The following ITGB8 variants were observed in gnomAD, a reference collection of about 807,000 sequenced individuals.
The protein encoded by ITGB8 is integrin subunit beta 8.
Under a neutral mutation model 89.5 loss-of-function variants are expected in ITGB8, and 30 were observed. The ratio of observed to expected loss-of-function variants is 0.34; its 90% confidence interval spans 0.25 to 0.45. The LOEUF (loss-of-function observed/expected upper bound fraction) is 0.45, where lower values mean the gene tolerates loss of function less well. ITGB8 is among the 20% of genes least tolerant of loss of function. ITGB8 has a pLI of 1.00. For synonymous variants in ITGB8, 335 were observed against 320.4 expected (o/e 1.05, Z -0.49); for missense variants, 836 against 933.3 (o/e 0.90, Z 1.36).
chr7:20,332,420 C>T (rs1469575931), intron 1 of ITGB8, among the ~76,000 whole-genome samples: 1 of 152,090 alleles, frequency 6.6e-6, no homozygotes, highest in Non-Finnish European at 1.5e-5. Flanking sequence ...TTTCTGCTAT[C>T]ATTAGTGCTC....
rs1298808058 is a variant in ITGB8, at chr7:20,410,082, G to T, written c.*85G>T. Reference sequence around the variant, plus strand: ...TATAATTTTAAAAGTCACAGGAGGAGACAAATTGCTCACGGTCATGCCAGT... The same window carrying T: ...TATAATTTTAAAAGTCACAGGAGGATACAAATTGCTCACGGTCATGCCAGT... On this transcript the variant is annotated 3_prime_UTR_variant, in exon 14 of 14. Coordinates refer to ENST00000222573, the MANE Select transcript of ITGB8 (RefSeq NM_002214.3). The T allele has an allele frequency of 2.9e-6, 4 of 1,388,870 alleles. No individual in the cohort carries two copies. Among genetic ancestry groups the T allele is most frequent in the Non-Finnish European group, 4.0e-6 (4 of 1,007,510 alleles). The allele number at this position is 1,388,870 out of a possible 1,614,324, so 86.0% of individuals were successfully genotyped here. A position where few individuals can be genotyped will look rare whatever the true frequency, so the allele number is the denominator to read the frequency against.
chr7:20,359,150 G>A (rs372370853), intron 1 of ITGB8, among the ~76,000 whole-genome samples: 5 of 152,128 alleles, frequency 3.3e-5, no homozygotes, highest in South Asian at 4.2e-4. Flanking sequence ...CTTTGCTATC[G>A]TGGATAGCAC....
chr7:20,356,239 A>T (rs1238264084), intron 1 of ITGB8, among the ~76,000 whole-genome samples: 2 of 152,234 alleles, frequency 1.3e-5, no homozygotes, highest in Non-Finnish European at 2.9e-5. Flanking sequence ...AGGAAACCTC[A>T]AATCAAAACT....
chr7:20,375,699 T>C (rs562150623), intron 3 of ITGB8, among the ~76,000 whole-genome samples: 48 of 152,272 alleles, frequency 3.2e-4, no homozygotes, highest in African/African-American at 1.1e-3. Context: ...TAATGTGAAA[T>C]TAAAAAGGGA....
At chr7:20,335,267 A>G (rs953246490) in intron 1 of ITGB8, among the ~76,000 whole-genome samples, 5 of 152,236 alleles carry the variant, frequency 3.3e-5, no homozygotes, top group African/African-American at 1.2e-4. Flanking sequence ...AAGGGAAGCA[A>G]TTGCAAAAGA....
Position 20,331,370 on chromosome 7 carries a change from G to A in ITGB8, c.-437G>A. On this transcript the variant is annotated 5_prime_UTR_variant, in exon 1 of 14. Transcript: ENST00000222573. Reference sequence around the variant, plus strand: ...CACCCAGTGAATGTACATTAGGGTGGTTTCCCCCCCAGCTTCGGGCTTTGT... The same window carrying A: ...CACCCAGTGAATGTACATTAGGGTGATTTCCCCCCCAGCTTCGGGCTTTGT... The A allele has an allele frequency of 2.5e-6, 1 of 397,844 alleles. No individual in the cohort carries two copies. 24.6% of individuals were successfully genotyped at this position (397,844 alleles called of 1,614,324 possible). A position where few individuals can be genotyped will look rare whatever the true frequency, so the allele number is the denominator to read the frequency against.
intron 1 of ITGB8, among the ~76,000 whole-genome samples, chr7:20,335,523 G>T (rs966478120): frequency 6.7e-6 from 1 of 148,750 alleles, no homozygotes; most frequent in Non-Finnish European, 1.5e-5. Flanking sequence ...GGATCTGCCT[G>T]CCCTTGCATG....
chr7:20,391,857 A>G (rs977020987), intron 7 of ITGB8, among the ~76,000 whole-genome samples: 3 of 152,190 alleles, frequency 2.0e-5, no homozygotes, highest in Non-Finnish European at 4.4e-5. Flanking sequence ...GCTTCTTCTT[A>G]TTCTGGTACA....
Position 20,402,052 on chromosome 7 carries a change from T to A in ITGB8, c.1613T>A (p.Leu538His). 1 of 1,614,150 alleles carries A rather than the reference T, an allele frequency of 6.2e-7. No individual in the cohort carries two copies. Among genetic ancestry groups the A allele is most frequent in the Middle Eastern group, 1.6e-4 (1 of 6,062 alleles). The part of the protein sequence containing the change: ...CGKCSCHKIK[L>H]GKVYGKYCEK... The stretch of plus-strand genomic sequence containing the variant: ...AAATGTTCATGTCACAAAATTAAGC[T>A]TGGAAAAGTGTATGGAAAATACTGT... The change falls in exon 10 of 14, where the codon CTT (leucine) becomes CAT (histidine). Residue 538 changes from leucine to histidine, a missense_variant. This residue lies in a region of ITGB8 where 422 missense variants were observed against 416.9 expected (regional missense o/e 1.01). Coordinates refer to ENST00000222573, the MANE Select transcript of ITGB8 (RefSeq NM_002214.3).
intron 1 of ITGB8, among the ~76,000 whole-genome samples, chr7:20,350,353 G>A (rs559089017): frequency 2.0e-4 from 31 of 152,114 alleles, no homozygotes; most frequent in South Asian, 8.3e-4. Context: ...TTGCCATGTT[G>A]GTCAGGCTGG....
chr7:20,351,182 T>C (rs1365225650), intron 1 of ITGB8, among the ~76,000 whole-genome samples: 1 of 152,232 alleles, frequency 6.6e-6, no homozygotes, highest in African/African-American at 2.4e-5. Flanking sequence ...CTGGAGGTAC[T>C]AGGGATTATT....
chr7:20,352,796 G>A (rs1351594026), intron 1 of ITGB8: 1 of 152,182 alleles, frequency 6.6e-6, no homozygotes, highest in Non-Finnish European at 1.5e-5. Flanking sequence ...GTTTTCCTGA[G>A]GAGTTTCAGT....
intron 1 of ITGB8, among the ~76,000 whole-genome samples, chr7:20,344,317 A>G (rs1353452166): frequency 6.6e-6 from 1 of 152,128 alleles, no homozygotes; most frequent in Non-Finnish European, 1.5e-5. Context: ...GGGAATTAAA[A>G]TTTAGAGCCC....
At chr7:20,359,234 G>T (rs1471156307) in intron 1 of ITGB8, among the ~76,000 whole-genome samples, 1 of 152,190 alleles carries the variant, frequency 6.6e-6, no homozygotes, top group Non-Finnish European at 1.5e-5. Flanking sequence ...GAGCACAAGA[G>T]GAGGATCTGA....
chr7:20,358,340 G>A (rs1785371575), intron 1 of ITGB8, among the ~76,000 whole-genome samples: 1 of 152,034 alleles, frequency 6.6e-6, no homozygotes, highest in Admixed American at 6.5e-5. Context: ...TGCTGGTACA[G>A]TTATACTTCT....
At chr7:20,335,896 C>T (rs76228800) in intron 1 of ITGB8, among the ~76,000 whole-genome samples, 3,888 of 152,078 alleles carry the variant, frequency 0.026, 164 homozygotes, top group African/African-American at 0.087. Context: ...GGTTTAAGCT[C>T]CTTCTCCATC....
Position 20,402,105 on chromosome 7 carries a change from C to T in ITGB8, c.1666C>T (p.His556Tyr), listed in dbSNP as rs562438916. Residue 556 changes from histidine (H) to tyrosine (Y), a missense_variant, in exon 10 of 14, where the codon CAC (histidine) becomes TAC (tyrosine). Transcript: ENST00000222573. ...AAAGGATGACTTTTCTTGTCCATAT[C>T]ACCATGGAAATCTGTGTGCTGGTGA... is the stretch of plus-strand genomic sequence containing the variant. ...CEKDDFSCPY[H>Y]HGNLCAGHGE... 195 of 1,612,414 alleles carry T rather than the reference C, an allele frequency of 1.2e-4. No individual in the cohort carries two copies. Among genetic ancestry groups the T allele is most frequent in the South Asian group, 1.8e-4 (16 of 90,670 alleles).
chr7:20,339,413 T>C (rs1042806838), intron 1 of ITGB8, among the ~76,000 whole-genome samples: 6 of 152,204 alleles, frequency 3.9e-5, no homozygotes, highest in Non-Finnish European at 7.3e-5. Context: ...AGTAAGTAAA[T>C]TATTTGATTT....
At chr7:20,361,191 T>C (rs1785489968) in intron 1 of ITGB8, among the ~76,000 whole-genome samples, 1 of 152,188 alleles carries the variant, frequency 6.6e-6, no homozygotes, top group African/African-American at 2.4e-5. Context: ...ATCCACTTTT[T>C]GAGATTGCAG....
Sources: allele counts gnomAD v4.1 joint callset (sites outside exome capture counted in the v4.1 genomes callset), GRCh38; gene constraint gnomAD v4.1.1; regional missense constraint gnomAD v4.1.1; transcripts MANE v1.5; gene names NCBI Gene and HGNC (gene_info 2026-07-23, HGNC 2026-07-21).